Variants in CACNA1C observed in about 807,000 individuals in gnomAD.
CACNA1C encodes voltage-dependent L-type calcium channel subunit alpha-1C.
A neutral mutation model predicts 229.0 loss-of-function variants in CACNA1C; 30 were observed. The observed-to-expected ratio is 0.13, with a 90% CI of 0.10 to 0.18. CACNA1C has a LOEUF of 0.18. Ranked by LOEUF, CACNA1C falls within the 10% of genes least tolerant of loss-of-function variation. CACNA1C has a pLI of 1.00. For synonymous variants in CACNA1C, 1,114 were observed against 1,132.5 expected (o/e 0.98, Z 0.33); for missense variants, 1,658 against 2,845.0 (o/e 0.58, Z 9.49).
intron 3 of CACNA1C, among the ~76,000 whole-genome samples, chr12:2,400,704 C>T (rs1328037359): frequency 1.3e-5 from 2 of 152,156 alleles, no homozygotes; most frequent in Non-Finnish European, 2.9e-5. Flanking sequence ...CTTATTTATC[C>T]ATCTGCTTCC....
At chr12:1,985,095 A>G (rs924712650) in intron 1 of CACNA1C, among the ~76,000 whole-genome samples, 42 of 151,486 alleles carry the variant, frequency 2.8e-4, no homozygotes, top group African/African-American at 9.7e-4. Context: ...TGTCATGGGC[A>G]TGGTTTTCTT....
chr12:2,014,008 G>T (rs755254927), intron 1 of CACNA1C, among the ~76,000 whole-genome samples: 10 of 152,146 alleles, frequency 6.6e-5, no homozygotes, highest in Admixed American at 2.6e-4. Flanking sequence ...AAAGGGAAGG[G>T]TGTTTTCCAC....
intron 1 of CACNA1C, among the ~76,000 whole-genome samples, chr12:2,063,410 A>G (rs1388073596): frequency 1.3e-5 from 2 of 152,150 alleles, no homozygotes; most frequent in East Asian, 3.9e-4. Context: ...TGGCCTCCCA[A>G]AGTGCTGGGA....
upstream of CACNA1C, chr12:2,052,888 G>T (rs1305807225): frequency 1.4e-6 from 1 of 694,114 alleles, no homozygotes; most frequent in African/African-American, 2.0e-5. Flanking sequence ...TCTGCCTCCG[G>T]CGCGCCGGGC....
chr12:2,205,489 C>G (rs781466727), intron 3 of CACNA1C, among the ~76,000 whole-genome samples: 4 of 152,194 alleles, frequency 2.6e-5, no homozygotes, highest in Non-Finnish European at 4.4e-5. Context: ...CTGTGGTGCT[C>G]TTGGCTCCTA....
At chr12:2,294,221 G>A (rs921611122) in intron 3 of CACNA1C, among the ~76,000 whole-genome samples, 14 of 152,196 alleles carry the variant, frequency 9.2e-5, no homozygotes, top group Non-Finnish European at 1.8e-4. Context: ...GAGTTTCGGG[G>A]AGGATGTATT....
chr12:2,423,609 A>G (rs1195860626), intron 3 of CACNA1C, among the ~76,000 whole-genome samples: 17 of 152,154 alleles, frequency 1.1e-4, no homozygotes, highest in African/African-American at 2.4e-5. Flanking sequence ...GGAGGTAGCA[A>G]TTAACAGCAG....
chr12:2,163,982 G>A (rs754523414), intron 3 of CACNA1C, among the ~76,000 whole-genome samples: 19 of 152,130 alleles, frequency 1.2e-4, no homozygotes, highest in Non-Finnish European at 1.9e-4. Context: ...GTTTGGCTGC[G>A]TAATTGGAAA....
intron 22 of CACNA1C, chr12:2,603,764 G>GA (rs1308053693): frequency 1.3e-5 from 2 of 152,184 alleles, no homozygotes; most frequent in Non-Finnish European, 2.9e-5. Context: ...AAGGGTCACT[G>GA]AAAAATCAAC....
chr12:2,637,780 T>C (rs1440563701), intron 30 of CACNA1C, among the ~76,000 whole-genome samples: 2 of 152,234 alleles, frequency 1.3e-5, no homozygotes, highest in Non-Finnish European at 2.9e-5. Context: ...ACAAGACATA[T>C]ATTCCCAGGG....
intron 1 of CACNA1C, among the ~76,000 whole-genome samples, chr12:2,007,970 A>AG (rs900531277): frequency 6.6e-6 from 1 of 152,222 alleles, no homozygotes; most frequent in Non-Finnish European, 1.5e-5. Flanking sequence ...CTAAAAAAAA[A>AG]CAGTCATTGT....
chr12:2,191,413 C>A (rs532780130), intron 3 of CACNA1C, among the ~76,000 whole-genome samples: 36 of 152,228 alleles, frequency 2.4e-4, no homozygotes, highest in African/African-American at 8.7e-4. Flanking sequence ...TCTGCAGTCA[C>A]GCTGGCTCCA....
At chr12:2,648,646 C>T in intron 31 of CACNA1C, 139 bp downstream of exon 31, 1 of 739,874 alleles carries the variant, frequency 1.4e-6, no homozygotes. Flanking sequence ...TGCCGTGTGC[C>T]TTGCCTGCCT....
intron 1 of CACNA1C, among the ~76,000 whole-genome samples, chr12:2,043,671 CAG>C (rs1275369442): frequency 2.9e-5 from 3 of 104,414 alleles, no homozygotes; most frequent in Non-Finnish European, 5.3e-5. Flanking sequence ...TTTTTTGAGA[CAG>C]AGTCTCGCTC....
chr12:2,182,922 C>G (rs1421947196), intron 3 of CACNA1C, among the ~76,000 whole-genome samples: 1 of 152,142 alleles, frequency 6.6e-6, no homozygotes, highest in African/African-American at 2.4e-5. Flanking sequence ...GGTTTCGGTC[C>G]TTAGTCCACC....
intron 3 of CACNA1C, among the ~76,000 whole-genome samples, chr12:2,198,681 A>G (rs1467496506): frequency 6.6e-6 from 1 of 152,112 alleles, no homozygotes; most frequent in Non-Finnish European, 1.5e-5. Flanking sequence ...AAGCAGGCAG[A>G]GGTGGGAGGT....
rs1411708224 is a variant in CACNA1C at position 2,319,910 on chromosome 12, C to G, written c.478-129066C>G. ...TTCACATTTCAGGGAAAATGCACATCCTTCCCAGAGCTGAGGAAGCCCCAT... is the reference window on the plus strand; with the variant it reads ...TTCACATTTCAGGGAAAATGCACATGCTTCCCAGAGCTGAGGAAGCCCCAT... On this transcript the variant is annotated intron_variant, in intron 3 of 46. Transcript: ENST00000399655. This position sits in a 1 kb window ranked among gnomAD's most constrained non-coding sequence, Gnocchi z 4.0. 6.6e-6 allele frequency among the ~76,000 whole-genome samples: 1 copy of G among 152,102 alleles called. No individual in the cohort carries two copies. The highest frequency in any genetic ancestry group is 1.5e-5 in the Non-Finnish European group (1 of 67,998).
chr12:2,547,375 G>C (rs1459448609), intron 9 of CACNA1C: 6 of 748,554 alleles, frequency 8.0e-6, no homozygotes, highest in Non-Finnish European at 1.5e-5. Flanking sequence ...TCTTTCTCTT[G>C]CCCGTGGCTG....
At chr12:2,263,385 T>A (rs1190205447) in intron 3 of CACNA1C, among the ~76,000 whole-genome samples, 1 of 151,980 alleles carries the variant, frequency 6.6e-6, no homozygotes, top group East Asian at 1.9e-4. Flanking sequence ...AGAGGTGAGG[T>A]CAGTGAGGAA....
Sources: allele counts gnomAD v4.1 joint callset (sites outside exome capture counted in the v4.1 genomes callset), GRCh38; gene constraint gnomAD v4.1.1; non-coding constraint Gnocchi (gnomAD v3.1); transcripts MANE v1.5; gene names NCBI Gene and HGNC (gene_info 2026-07-23, HGNC 2026-07-21).